Variants in WWC2 observed in about 807,000 individuals in gnomAD.
The protein encoded by WWC2 is WW and C2 domain containing 2, also known as protein WWC2.
In WWC2, 101 loss-of-function variants were observed where a neutral mutation model predicts 138.5. The observed-to-expected ratio is 0.73, with a 90% confidence interval of 0.62 to 0.86. WWC2 has a LOEUF of 0.86. Among genes scored for constraint, WWC2 ranks in the 40% least tolerant of loss-of-function variants. The pLI is 0.00. For missense variants in WWC2, 1,420 were observed against 1,419.4 expected, an observed-to-expected ratio of 1.00 and a Z score of -0.01; for synonymous variants, 558 against 538.4, an observed-to-expected ratio of 1.04 and a Z score of -0.50.
intron 1 of WWC2, among the ~76,000 whole-genome samples, chr4:183,118,386 G>C (rs943586481): frequency 1.3e-5 from 2 of 152,214 alleles, no homozygotes; most frequent in East Asian, 3.9e-4. Context: ...CCCTGTTACA[G>C]GTTGCTGCAC....
chr4:183,154,002 CAAAAAAAA>C lies in WWC2; in HGVS notation c.132-39578_132-39571del, dbSNP rs35002790. Among the ~76,000 whole-genome samples, 591 of 71,704 alleles carry C rather than the reference CAAAAAAAA, an allele frequency of 8.2e-3. 6 individuals carry two copies. Among genetic ancestry groups the C allele is most frequent in the African/African-American group, 0.033 (572 of 17,430 alleles). 47.0% of individuals were successfully genotyped at this position (71,704 alleles called of 152,430 possible). On this transcript the variant is annotated intron_variant, in intron 1 of 22. Coordinates refer to ENST00000403733, the MANE Select transcript of WWC2 (RefSeq NM_024949.6). ...ACAGTGAATTGCTGGCTTTAAAAAG[CAAAAAAAA>C]AAAAAAAAAAAAAAAAAACCCCAAA...
chr4:183,174,044 C>A (rs986699677), intron 1 of WWC2, among the ~76,000 whole-genome samples: 1 of 152,138 alleles, frequency 6.6e-6, no homozygotes, highest in Non-Finnish European at 1.5e-5. Context: ...CCCTCCAATT[C>A]TTCGGCCTGA....
At position 183,265,001 on chromosome 4, in the gene WWC2, A is replaced by G; in HGVS notation, c.1933A>G (p.Arg645Gly). ...TADVEKSLPKRRVIHLLGEKT... is the reference protein window; with the variant it reads ...TADVEKSLPKGRVIHLLGEKT... The stretch of plus-strand genomic sequence containing the variant: ...AGATGTGGAAAAATCATTACCAAAA[A>G]GAAGAGTGATCCACTTGCTTGGGGA... The change falls in exon 12 of 23, where the codon AGA becomes GGA. Residue 645 changes from arginine (R) to glycine (G), a missense_variant. Arg to Gly is a moderately radical substitution (Grantham distance 125). Coordinates refer to ENST00000403733, the MANE Select transcript of WWC2 (RefSeq NM_024949.6). The G allele has an allele frequency of 2.5e-6, 4 of 1,613,112 alleles. No homozygotes were observed. The highest frequency in any genetic ancestry group is 3.4e-6 in the Non-Finnish European group (4 of 1,179,390).
chr4:183,311,643 G>A (rs1436682384), intron 21 of WWC2, among the ~76,000 whole-genome samples: 2 of 148,196 alleles, frequency 1.3e-5, no homozygotes, highest in East Asian at 2.0e-4. Context: ...TCAGTGGCGC[G>A]ATCTCGGCTC....
intron 4 of WWC2, among the ~76,000 whole-genome samples, chr4:183,234,110 C>T (rs1449143287): frequency 6.6e-6 from 1 of 152,114 alleles, no homozygotes; most frequent in East Asian, 1.9e-4. Context: ...CTTCTTTCCC[C>T]TTCTTTTAAA....
chr4:183,274,620 C>A (rs967221470), intron 16 of WWC2, among the ~76,000 whole-genome samples: 1 of 152,058 alleles, frequency 6.6e-6, no homozygotes, highest in Admixed American at 6.6e-5. Flanking sequence ...GTTTCTGGTG[C>A]TATTGTGAAT....
chr4:183,307,366 C>A (rs1283578308), intron 21 of WWC2, among the ~76,000 whole-genome samples: 1 of 152,124 alleles, frequency 6.6e-6, no homozygotes, highest in Non-Finnish European at 1.5e-5. Context: ...CTCTACCAAA[C>A]AATTAAGGAA....
Position 183,144,340 on chromosome 4 carries a change from A to G in WWC2, c.131+44718A>G, listed in dbSNP as rs564073918. Among the ~76,000 whole-genome samples the G allele has an allele frequency of 2.4e-4, 36 of 152,298 alleles. 1 individual carries two copies. The Middle Eastern group carries it at 0.014, about 58-fold the overall frequency. ...TAATGTAAGATTATAGTTTGGTGAA[A>G]TGTCACCATTTGACATGAATAAATA... On this transcript the variant is annotated intron_variant, in intron 1 of 22. Coordinates refer to ENST00000403733, the MANE Select transcript of WWC2 (RefSeq NM_024949.6).
At chr4:183,249,205 A>G (rs1278653801) in intron 7 of WWC2, among the ~76,000 whole-genome samples, 1 of 152,210 alleles carries the variant, frequency 6.6e-6, no homozygotes, top group Non-Finnish European at 1.5e-5. Flanking sequence ...CATTAGGCCA[A>G]TGAGAAACAG....
intron 1 of WWC2, among the ~76,000 whole-genome samples, chr4:183,155,196 G>GAA (rs1733766034): frequency 1.8e-5 from 1 of 54,640 alleles, no homozygotes; most frequent in Admixed American, 2.6e-4. Context: ...TGAGGAGAGA[G>GAA]AGAGAGAGAG....
At chr4:183,258,786 C>G (rs1204253932) in intron 9 of WWC2, among the ~76,000 whole-genome samples, 1 of 152,108 alleles carries the variant, frequency 6.6e-6, no homozygotes, top group African/African-American at 2.4e-5. Flanking sequence ...ACCCAGGTGC[C>G]CTTTTTCTGA....
rs1230842447 is a variant in WWC2, at chr4:183,219,643, A to AT, written c.522+10619dup. Reference sequence around the variant, plus strand: ...TCACAGAATGGGGGAGAACGGAAGGATGCTGTCATAAGGCACTTTGACTAT... The same window carrying AT: ...TCACAGAATGGGGGAGAACGGAAGGATTGCTGTCATAAGGCACTTTGACTAT... On this transcript the variant is annotated intron_variant, in intron 4 of 22. Transcript: ENST00000403733. Among the ~76,000 whole-genome samples the AT allele has an allele frequency of 4.6e-5, 7 of 152,364 alleles. No homozygotes were observed. In the South Asian group the frequency reaches 8.3e-4, roughly 18 times the overall value.
intron 1 of WWC2, among the ~76,000 whole-genome samples, chr4:183,114,391 A>G (rs1732345589): frequency 6.6e-6 from 1 of 152,168 alleles, no homozygotes; most frequent in Admixed American, 6.5e-5. Flanking sequence ...GCTTATAGCA[A>G]TGCAAGAAAT....
At chr4:183,231,209 G>C (rs1736233915) in intron 4 of WWC2, among the ~76,000 whole-genome samples, 1 of 141,518 alleles carries the variant, frequency 7.1e-6, no homozygotes, top group African/African-American at 2.6e-5. Flanking sequence ...ATTATTCACT[G>C]TACTAACAGA....
chr4:183,111,343 A>C (rs545677311), intron 1 of WWC2, among the ~76,000 whole-genome samples: 3 of 152,248 alleles, frequency 2.0e-5, no homozygotes, highest in Non-Finnish European at 4.4e-5. Flanking sequence ...ATGAAGTGGC[A>C]GTGATATTCA....
chr4:183,197,286 C>A (rs1735170882), intron 2 of WWC2, among the ~76,000 whole-genome samples: 1 of 152,132 alleles, frequency 6.6e-6, no homozygotes, highest in South Asian at 2.1e-4. Context: ...AACAGTTCAC[C>A]CACTGAAAAC....
At position 183,269,085 on chromosome 4, in the gene WWC2, T is replaced by C. The variant is rs778271131; in HGVS notation, c.2322T>C (p.Ile774=). Residue 774 remains isoleucine, a synonymous_variant, in exon 15 of 23, where the codon ATT becomes ATC. Transcript: ENST00000403733. The part of the protein sequence containing the change: ...ILFNDVFRVA[I]SQTALQQKTL... ...TCAATGATGTGTTCAGAGTCGCCAT[T>C]TCCCAAACAGCCTTACAACAGAAGA... is the stretch of plus-strand genomic sequence containing the variant. The C allele has an allele frequency of 6.8e-6, 11 of 1,613,824 alleles. No individual in the cohort carries two copies. The highest frequency in any genetic ancestry group is 1.3e-5 in the African/African-American group (1 of 74,916).
chr4:183,232,633 C>T (rs1486344200), intron 4 of WWC2, among the ~76,000 whole-genome samples: 1 of 151,656 alleles, frequency 6.6e-6, no homozygotes, highest in Non-Finnish European at 1.5e-5. Context: ...AATAATATTC[C>T]ATTATATGAA....
intron 1 of WWC2, among the ~76,000 whole-genome samples, 160 bp from the exon 2 acceptor site, chr4:183,193,439 T>C (rs544339917): frequency 6.6e-6 from 1 of 152,292 alleles, no homozygotes; most frequent in African/African-American, 2.4e-5. Context: ...TTACGACTTG[T>C]CCTACTTTTT....
Sources: allele counts gnomAD v4.1 joint callset (sites outside exome capture counted in the v4.1 genomes callset), GRCh38; gene constraint gnomAD v4.1.1; transcripts MANE v1.5; gene names NCBI Gene and HGNC (gene_info 2026-07-23, HGNC 2026-07-21).